MAST4: variants seen among roughly 807,000 people sequenced by gnomAD.
MAST4 encodes the protein microtubule-associated serine/threonine-protein kinase 4.
Under a neutral mutation model 162.7 loss-of-function variants are expected in MAST4, and 89 were observed. That is an observed-to-expected ratio of 0.55 (90% confidence interval 0.46 to 0.65). The LOEUF is 0.65. Ranked by LOEUF, MAST4 falls within the 30% of genes least tolerant of loss-of-function variation. The pLI, the probability that MAST4 is intolerant of heterozygous loss-of-function variation, is 0.00. For synonymous variants in MAST4, 1,479 were observed against 1,361.1 expected, an observed-to-expected ratio of 1.09 and a Z score of -1.91; for missense variants, 3,153 against 3,374.0, an observed-to-expected ratio of 0.93 and a Z score of 1.62.
intron 3 of MAST4, among the ~76,000 whole-genome samples, chr5:66,877,992 C>T (rs927441290): frequency 1.3e-5 from 2 of 152,158 alleles, no homozygotes; most frequent in African/African-American, 4.8e-5. Context: ...CAGTCAGTTG[C>T]TTCTGTTATG....
intron 3 of MAST4, among the ~76,000 whole-genome samples, chr5:66,820,172 G>C (rs1756925412): frequency 6.6e-6 from 1 of 151,836 alleles, no homozygotes; most frequent in Non-Finnish European, 1.5e-5. Context: ...TCTAATCTCT[G>C]ATGTAGTAGC....
In MAST4 at chr5:67,130,419, G is replaced by T; in HGVS notation, c.1954+1G>T. ...TGCATGGTCATGGAATATGTGGAAG[G>T]TATCTGACACGGAAAACATGACACC... On this transcript the variant is annotated splice_donor_variant, in intron 15 of 28. Coordinates refer to ENST00000403625, the MANE Select transcript of MAST4 (RefSeq NM_001164664.2). LOFTEE classifies it high-confidence loss of function. 6.2e-7 allele frequency: 1 copy of T among 1,613,434 alleles called. No homozygotes were observed. The highest frequency in any genetic ancestry group is 8.5e-7 in the Non-Finnish European group (1 of 1,179,552).
At chr5:66,665,320 A>G (rs1218325355) in intron 1 of MAST4, among the ~76,000 whole-genome samples, 1 of 151,848 alleles carries the variant, frequency 6.6e-6, no homozygotes, top group Non-Finnish European at 1.5e-5. Flanking sequence ...GTTGCATGCC[A>G]TGTGCTATGT....
intron 4 of MAST4, among the ~76,000 whole-genome samples, chr5:66,931,557 A>G (rs1348895788): frequency 6.6e-6 from 1 of 152,216 alleles, no homozygotes; most frequent in East Asian, 1.9e-4. Flanking sequence ...TGAAGTTATT[A>G]TAGTTGTCAC....
At chr5:67,121,296 T>A (rs2150953707) in intron 14 of MAST4, among the ~76,000 whole-genome samples, 194 bp downstream of exon 14, 1 of 152,260 alleles carries the variant, frequency 6.6e-6, no homozygotes, top group African/African-American at 2.4e-5. Flanking sequence ...ACATGCCAAG[T>A]GACCAAGGAG....
intron 5 of MAST4, among the ~76,000 whole-genome samples, chr5:67,067,351 T>A (rs78796295): frequency 0.019 from 2,961 of 152,292 alleles, 107 homozygotes; most frequent in African/African-American, 0.068. Flanking sequence ...CAAATGGAAG[T>A]AGTCAAACTT....
chr5:66,754,680 A>G (rs1753416979), intron 1 of MAST4, among the ~76,000 whole-genome samples: 1 of 152,230 alleles, frequency 6.6e-6, no homozygotes, highest in South Asian at 2.1e-4. Flanking sequence ...AATATAGTGC[A>G]TAATTTCATG....
chr5:66,927,729 A>G (rs1765009492), intron 4 of MAST4, among the ~76,000 whole-genome samples: 3 of 152,240 alleles, frequency 2.0e-5, no homozygotes, highest in African/African-American at 4.8e-5. Context: ...CATCTGCCTC[A>G]TGTATCAGTT....
At chr5:66,691,482 G>A (rs900968248) in intron 1 of MAST4, among the ~76,000 whole-genome samples, 8 of 152,282 alleles carry the variant, frequency 5.3e-5, no homozygotes, top group African/African-American at 1.7e-4. Context: ...AATGAATTTG[G>A]TGTCTTAGTC....
intron 1 of MAST4, among the ~76,000 whole-genome samples, chr5:66,723,645 T>C (rs1299493101): frequency 6.6e-6 from 1 of 152,184 alleles, no homozygotes; most frequent in African/African-American, 2.4e-5. Flanking sequence ...GAGCTTTCAT[T>C]ATGGCTTTAT....
intron 3 of MAST4, among the ~76,000 whole-genome samples, chr5:66,832,845 T>G (rs1757708806): frequency 6.6e-6 from 1 of 152,214 alleles, no homozygotes; most frequent in South Asian, 2.1e-4. Context: ...ACTTTTGTTC[T>G]TCAGCAATTC....
At chr5:66,928,255 T>C (rs1033979752) in intron 4 of MAST4, among the ~76,000 whole-genome samples, 2 of 152,190 alleles carry the variant, frequency 1.3e-5, no homozygotes, top group East Asian at 1.9e-4. Flanking sequence ...CATGGCCCAA[T>C]TGAGCATGTT....
chr5:67,166,099 C>CG lies in MAST4; in HGVS notation c.6923dup (p.His2309ThrfsTer5). On this transcript the variant is annotated frameshift_variant, in exon 29 of 29. Transcript: ENST00000403625. LOFTEE classifies it low-confidence loss of function (END_TRUNC). ...GAGAAGCCTGTGCATTTGCCAAGGC[C>CG]GGGACACCCAGGGCCTAGTGAGCCA... The CG allele has an allele frequency of 6.2e-7, 1 of 1,612,092 alleles. No individual in the cohort carries two copies. The highest frequency in any genetic ancestry group is 2.2e-5 in the East Asian group (1 of 44,806).
At chr5:66,638,371 A>G (rs535852050) in intron 1 of MAST4, among the ~76,000 whole-genome samples, 1 of 152,198 alleles carries the variant, frequency 6.6e-6, no homozygotes, top group African/African-American at 2.4e-5. Context: ...AAGTAAGTCA[A>G]TGATAAAATG....
chr5:66,767,898 G>A (rs997198183), intron 2 of MAST4, among the ~76,000 whole-genome samples: 3 of 152,136 alleles, frequency 2.0e-5, no homozygotes. Flanking sequence ...CAGATTAAGG[G>A]TGGGTCTGCC....
intron 5 of MAST4, among the ~76,000 whole-genome samples, chr5:67,068,848 G>A (rs1760557966): frequency 6.6e-6 from 1 of 152,078 alleles, no homozygotes; most frequent in Non-Finnish European, 1.5e-5. Context: ...GTAATAGTAA[G>A]CTAACAGGTC....
At chr5:67,149,316 T>C in intron 23 of MAST4, 73 bp from the exon 24 acceptor site, 1 of 1,367,254 alleles carries the variant, frequency 7.3e-7, no homozygotes, top group South Asian at 1.2e-5. Context: ...TCCTGCTGTC[T>C]CTCTCTTCCC....
At chr5:66,654,803 GA>G (rs956242107) in intron 1 of MAST4, among the ~76,000 whole-genome samples, 5 of 152,110 alleles carry the variant, frequency 3.3e-5, no homozygotes, top group Non-Finnish European at 7.4e-5. Context: ...ATTAAATATG[GA>G]AATTCTAGGT....
At chr5:66,769,361 G>C (rs996138267) in intron 2 of MAST4, among the ~76,000 whole-genome samples, 27 of 152,186 alleles carry the variant, frequency 1.8e-4, no homozygotes, top group African/African-American at 5.8e-4. Context: ...TTGGGTGCAT[G>C]GTGGGGCTGG....
Sources: gnomAD v4.1 joint callset for allele counts (sites outside exome capture counted in the v4.1 genomes callset) on GRCh38, gnomAD v4.1.1 for gene constraint, MANE v1.5 for transcripts, NCBI Gene and HGNC (gene_info 2026-07-23, HGNC 2026-07-21) for gene names.